Variants in CSMD1 observed in about 807,000 individuals in gnomAD.
The protein encoded by CSMD1 is CUB and sushi domain-containing protein 1.
A neutral mutation model predicts 417.5 loss-of-function variants in CSMD1; 213 were observed. That is an observed-to-expected ratio of 0.51 (90% CI 0.46 to 0.57). The LOEUF (loss-of-function observed/expected upper bound fraction) is 0.57. Among genes scored for constraint, CSMD1 ranks in the 20% least tolerant of loss-of-function variants. The probability of loss-of-function intolerance (pLI) is 0.00; values close to 1 mark genes in which losing one functional copy is unlikely to be tolerated. For synonymous variants in CSMD1, 2,862 were observed against 1,736.8 expected, an observed-to-expected ratio of 1.65 and a Z score of -16.11; for missense variants, 6,923 against 4,529.7, an observed-to-expected ratio of 1.53 and a Z score of -15.17.
At chr8:4,107,966 G>A (rs1421003874) in intron 3 of CSMD1, among the ~76,000 whole-genome samples, 1 of 152,022 alleles carries the variant, frequency 6.6e-6, no homozygotes, top group Non-Finnish European at 1.5e-5. Flanking sequence ...AGTAAAAGTA[G>A]CATTGACCGG....
chr8:3,175,126 A>T (rs1470220372), intron 37 of CSMD1, among the ~76,000 whole-genome samples: 1 of 152,164 alleles, frequency 6.6e-6, no homozygotes, highest in Non-Finnish European at 1.5e-5. Flanking sequence ...TAAAACAGTA[A>T]AATATTTATG....
chr8:4,162,590 T>C (rs989276654), intron 3 of CSMD1, among the ~76,000 whole-genome samples: 4 of 152,162 alleles, frequency 2.6e-5, no homozygotes, highest in African/African-American at 9.7e-5. Context: ...AGATTTTATA[T>C]TTTAAGAGCA....
chr8:3,782,217 C>A lies in CSMD1; in HGVS notation c.819-28175G>T, dbSNP rs144029528. Among the ~76,000 whole-genome samples the A allele has an allele frequency of 9.6e-3, 1,468 of 152,240 alleles. 20 individuals carry two copies. Among genetic ancestry groups the A allele is most frequent in the Non-Finnish European group, 0.016 (1,073 of 68,018 alleles). Reference sequence around the variant, plus strand: ...AGCAAATTCACGGTGCGGCATAGGACAGAATCTATGTCAGTCACCAGGATG... The same window carrying A: ...AGCAAATTCACGGTGCGGCATAGGAAAGAATCTATGTCAGTCACCAGGATG... On this transcript the variant is annotated intron_variant, in intron 5 of 69. Transcript: ENST00000635120.
intron 3 of CSMD1, among the ~76,000 whole-genome samples, chr8:4,293,946 C>G (rs1385976001): frequency 2.0e-5 from 3 of 152,078 alleles, no homozygotes; most frequent in African/African-American, 7.2e-5. Context: ...CTTTTAAACA[C>G]TTTCTACAAG....
intron 3 of CSMD1, among the ~76,000 whole-genome samples, chr8:4,405,521 C>G (rs563178387): frequency 6.6e-6 from 1 of 151,690 alleles, no homozygotes; most frequent in African/African-American, 2.4e-5. Flanking sequence ...AGCGGCTTAA[C>G]AAAAAATTAT....
Position 3,098,671 on chromosome 8 carries a change from C to T in CSMD1, c.6950-1634G>A, listed in dbSNP as rs148501675. Among the ~76,000 whole-genome samples, 38 of 152,224 alleles carry T rather than the reference C, an allele frequency of 2.5e-4. No individual in the cohort carries two copies. In the East Asian group the frequency reaches 6.8e-3, roughly 27 times the overall value. The stretch of plus-strand genomic sequence containing the variant: ...TCATCGCTTTGTAAAATACACGATG[C>T]CCATTCAAAGTTAATGTGATATTTT... On this transcript the variant is annotated intron_variant, in intron 46 of 69. Transcript: ENST00000635120.
intron 23 of CSMD1, among the ~76,000 whole-genome samples, chr8:3,324,754 A>G (rs1585001709): frequency 6.6e-6 from 1 of 152,214 alleles, no homozygotes; most frequent in Admixed American, 6.5e-5. Flanking sequence ...CCTTCACCCC[A>G]CCTTCCATCA....
rs376112389 is a variant in CSMD1 at position 3,980,253 on chromosome 8, AG to A, written c.818+17649del. Among the ~76,000 whole-genome samples, 510 of 152,338 alleles carry A rather than the reference AG, an allele frequency of 3.3e-3. 2 individuals are homozygous for A. The highest frequency in any genetic ancestry group is 0.011 in the African/African-American group (465 of 41,572). ...TGGCATAGATGGGAACTTAACTATT[AG>A]GGGAAAAGCTGAACTAGCATTGTAT... is the stretch of plus-strand genomic sequence containing the variant. On this transcript the variant is annotated intron_variant, in intron 5 of 69. Transcript: ENST00000635120.
chr8:4,782,887 G>A (rs1797220742), intron 1 of CSMD1, among the ~76,000 whole-genome samples: 1 of 149,680 alleles, frequency 6.7e-6, no homozygotes, highest in African/African-American at 2.5e-5. Flanking sequence ...TGATGTACAT[G>A]TTTTTTGGAG....
chr8:4,078,643 T>C (rs1799957530), intron 3 of CSMD1, among the ~76,000 whole-genome samples: 1 of 151,512 alleles, frequency 6.6e-6, no homozygotes, highest in African/African-American at 2.4e-5. Flanking sequence ...ATTTCACATG[T>C]ATTTCTAACT....
chr8:4,795,283 T>G (rs960714598), intron 1 of CSMD1, among the ~76,000 whole-genome samples: 58 of 89,896 alleles, frequency 6.5e-4, no homozygotes, highest in African/African-American at 2.5e-3. Flanking sequence ...TTTTTTTTTT[T>G]TTTTTTGAGA....
At chr8:3,147,226 T>C (rs1348687190) in intron 40 of CSMD1, among the ~76,000 whole-genome samples, 2 of 152,228 alleles carry the variant, frequency 1.3e-5, no homozygotes, top group Non-Finnish European at 2.9e-5. Context: ...CTTTTTTCTT[T>C]TGTAATTCAC....
chr8:4,935,173 G>A (rs564144616), intron 1 of CSMD1, among the ~76,000 whole-genome samples: 1 of 152,296 alleles, frequency 6.6e-6, no homozygotes, highest in South Asian at 2.1e-4. Flanking sequence ...AAATTCCCCA[G>A]ATGGGCCATG....
At chr8:4,685,621 C>T (rs1806323134) in intron 1 of CSMD1, among the ~76,000 whole-genome samples, 1 of 151,874 alleles carries the variant, frequency 6.6e-6, no homozygotes, top group Middle Eastern at 3.2e-3. Flanking sequence ...AAAACGTAAG[C>T]ACACCATCAC....
intron 52 of CSMD1, among the ~76,000 whole-genome samples, chr8:3,013,006 G>C (rs1228059346): frequency 1.3e-5 from 2 of 152,206 alleles, no homozygotes; most frequent in East Asian, 1.9e-4. Flanking sequence ...CACCATGTAA[G>C]ATGTGCCTTT....
chr8:4,428,797 G>A (rs1430930094), intron 2 of CSMD1, among the ~76,000 whole-genome samples: 1 of 152,046 alleles, frequency 6.6e-6, no homozygotes, highest in Non-Finnish European at 1.5e-5. Flanking sequence ...TTGGCTCACT[G>A]CAACCTCCAC....
intron 15 of CSMD1, 99 bp downstream of exon 15, chr8:3,405,928 C>G (rs1305389152): frequency 3.5e-6 from 4 of 1,128,346 alleles, no homozygotes; most frequent in African/African-American, 1.5e-5. Flanking sequence ...TTTGTTAGGG[C>G]AGCCCTAGCA....
intron 9 of CSMD1, among the ~76,000 whole-genome samples, chr8:3,576,362 C>G (rs574358471): frequency 2.5e-5 from 3 of 120,496 alleles, no homozygotes; most frequent in East Asian, 2.6e-4. Flanking sequence ...GACTGTTCAT[C>G]TGAGATCTCT....
chr8:4,904,420 C>G (rs1805101515), intron 1 of CSMD1, among the ~76,000 whole-genome samples: 1 of 152,130 alleles, frequency 6.6e-6, no homozygotes, highest in Non-Finnish European at 1.5e-5. Context: ...CAACTTATAT[C>G]TCACAAATAA....
Sources: gnomAD v4.1 joint callset for allele counts (sites outside exome capture counted in the v4.1 genomes callset) on GRCh38, gnomAD v4.1.1 for gene constraint, MANE v1.5 for transcripts, NCBI Gene and HGNC (gene_info 2026-07-23, HGNC 2026-07-21) for gene names.